Variants in NOXA1 observed in about 807,000 individuals in gnomAD.
NOXA1 encodes the protein NADPH oxidase activator 1.
NOXA1 carries 56 observed loss-of-function variants against 64.8 expected under a neutral mutation model. That is an observed-to-expected ratio of 0.86 (90% CI 0.70 to 1.08). The LOEUF (loss-of-function observed/expected upper bound fraction) is 1.08, where lower values mean the gene tolerates loss of function less well. Among genes scored for constraint, NOXA1 ranks in the 50% least tolerant of loss-of-function variants. The pLI, the probability that NOXA1 is intolerant of heterozygous loss-of-function variation, is 0.00. For missense variants in NOXA1, 668 were observed against 658.5 expected, an observed-to-expected ratio of 1.01 and a Z score of -0.16; for synonymous variants, 295 against 294.8, an observed-to-expected ratio of 1.00 and a Z score of -0.01.
At chr9:137,423,811 C>T in intron 1 of NOXA1, 105 bp downstream of exon 1, 2 of 994,902 alleles carry the variant, frequency 2.0e-6, no homozygotes, top group Non-Finnish European at 2.6e-6. Context: ...CCTGCCGCCC[C>T]CGACCCAGCG....
At chr9:137,429,770 G>GGGT (rs1475739438) in intron 5 of NOXA1, among the ~76,000 whole-genome samples, 1 of 136,488 alleles carries the variant, frequency 7.3e-6, no homozygotes, top group African/African-American at 2.8e-5. Flanking sequence ...GCGAGGTCCC[G>GGGT]GGGGGGTCCC....
In NOXA1 at chr9:137,428,118, C is replaced by A. The variant is rs146657444; in HGVS notation, c.346C>A (p.Arg116=). ...CATCGACTACACGCAGCTGGGCCTGCGGTTCAAGCTGCAAGCCTGGGAGGT... is the reference window on the plus strand; with the variant it reads ...CATCGACTACACGCAGCTGGGCCTGAGGTTCAAGCTGCAAGCCTGGGAGGT... ...AAIDYTQLGL[R]FKLQAWEVLH... is the part of the protein sequence containing the mutation. Residue 116 remains arginine, a synonymous_variant, in exon 3 of 14, where the codon CGG becomes AGG. Coordinates refer to ENST00000683555, the MANE Select transcript of NOXA1 (RefSeq NM_001256067.2). 1 of 1,573,940 alleles carries A rather than the reference C, an allele frequency of 6.4e-7. No homozygotes were observed. Among genetic ancestry groups the A allele is most frequent in the South Asian group, 1.2e-5 (1 of 85,940 alleles).
intron 3 of NOXA1, 120 bp from the exon 4 acceptor site, chr9:137,428,762 A>C: frequency 1.6e-6 from 1 of 616,170 alleles, no homozygotes; most frequent in Non-Finnish European, 2.2e-6. Flanking sequence ...GGGAGGGGCC[A>C]GGTGGGGGGA....
Position 137,433,827 on chromosome 9 carries a change from C to T in NOXA1, c.1142C>T (p.Ala381Val), listed in dbSNP as rs780618967. The change falls in exon 12 of 14, where the codon GCA becomes GTA. Residue 381 changes from alanine (A) to valine (V), a missense_variant. Physicochemically the swap from Ala to Val is moderately conservative, Grantham distance 64 (BLOSUM62 0). Transcript: ENST00000683555. ...EESLQRAWQDAAACPRGLQLQ... is the reference protein window; with the variant it reads ...EESLQRAWQDVAACPRGLQLQ... ...TCGCTGCAGAGGGCCTGGCAGGACG[C>T]AGCTGCCTGCCCCAGGGGGCTGCAG... is the stretch of plus-strand genomic sequence containing the variant. 4.8e-6 allele frequency: 7 copies of T among 1,451,660 alleles called. No homozygotes were observed. Among genetic ancestry groups the T allele is most frequent in the Non-Finnish European group, 6.4e-6 (7 of 1,099,600 alleles). 89.9% of individuals were successfully genotyped at this position (1,451,660 alleles called of 1,614,324 possible).
At chr9:137,427,759 G>T (rs1003372174) in intron 2 of NOXA1, among the ~76,000 whole-genome samples, 1 of 152,236 alleles carries the variant, frequency 6.6e-6, no homozygotes, top group African/African-American at 2.4e-5. Context: ...CAGAAGAGAG[G>T]CTTGGGGGCG....
At position 137,428,934 on chromosome 9, in the gene NOXA1, C is replaced by T. The variant is rs374075113; in HGVS notation, c.422C>T (p.Ala141Val). 1.9e-5 allele frequency: 30 copies of T among 1,595,968 alleles called. No individual in the cohort carries two copies. Among genetic ancestry groups the T allele is most frequent in the Middle Eastern group, 1.7e-4 (1 of 6,004 alleles). ...AQCQLGLWTE[A>V]ASSLREAMSK... ...TGCCAGCTGGGGCTCTGGACAGAGG[C>T]GGCCAGCAGCCTAAGGGAGGCCATG... Residue 141 changes from alanine (A) to valine (V), a missense_variant, in exon 4 of 14, where the codon GCG (alanine) becomes GTG (valine). Ala to Val is a moderately conservative substitution (Grantham distance 64). Transcript: ENST00000683555.
intron 3 of NOXA1, among the ~76,000 whole-genome samples, chr9:137,428,625 C>A (rs1357877142): frequency 6.7e-6 from 1 of 149,764 alleles, no homozygotes; most frequent in African/African-American, 2.5e-5. Context: ...AGGTGGGGGC[C>A]CGCCAGCCCA....
At chr9:137,432,963 G>C in intron 8 of NOXA1, 66 bp from the exon 9 acceptor site, 2 of 1,568,998 alleles carry the variant, frequency 1.3e-6, no homozygotes, top group Non-Finnish European at 1.7e-6. Context: ...TGTGGGCTCT[G>C]CGAGGACAGT....
chr9:137,423,467 T>G lies in NOXA1; in HGVS notation c.-63T>G. Reference sequence around the variant, plus strand: ...GACCCCGCAGCCCCGCGCCGCCGCCTGGCCCCGGCCCCGGCCCCTCCGCGG... The same window carrying G: ...GACCCCGCAGCCCCGCGCCGCCGCCGGGCCCCGGCCCCGGCCCCTCCGCGG... On this transcript the variant is annotated 5_prime_UTR_variant, in exon 1 of 14. Transcript: ENST00000683555. 9.0e-7 allele frequency: 1 copy of G among 1,116,916 alleles called. No homozygotes were observed. Among genetic ancestry groups the G allele is most frequent in the Non-Finnish European group, 1.1e-6 (1 of 893,592 alleles). 69.2% of individuals were successfully genotyped at this position (1,116,916 alleles called of 1,614,324 possible).
intron 10 of NOXA1, 92 bp downstream of exon 10, chr9:137,433,355 C>T (rs1839203392): frequency 6.7e-7 from 1 of 1,491,766 alleles, no homozygotes. Flanking sequence ...AAGCCCCCCT[C>T]ACCTGCCCAG....
At position 137,423,411 on chromosome 9, in the gene NOXA1, G is replaced by A. The variant is rs924900251; in HGVS notation, c.-119G>A. The stretch of plus-strand genomic sequence containing the variant: ...GCGGGGCAGCGGGGTTGCACCTGGC[G>A]CTTGGCGCCCGCACCTCTGCCCGCC... On this transcript the variant is annotated 5_prime_UTR_variant, in exon 1 of 14. Transcript: ENST00000683555. The A allele has an allele frequency of 5.4e-6, 3 of 558,982 alleles. No homozygotes were observed. The highest frequency in any genetic ancestry group is 5.0e-6 in the Non-Finnish European group (2 of 402,172). The allele number at this position is 558,982 out of a possible 1,614,324, so 34.6% of individuals were successfully genotyped here.
rs1423726747 is a variant in NOXA1, at chr9:137,428,764, G to T, written c.370-118G>T. 7 of 1,023,120 alleles carry T rather than the reference G, an allele frequency of 6.8e-6. No individual in the cohort carries two copies. In the African/African-American group the frequency reaches 8.7e-5, roughly 13 times the overall value. The allele number at this position is 1,023,120 out of a possible 1,614,324, so 63.4% of individuals were successfully genotyped here. On this transcript the variant is annotated intron_variant, in intron 3 of 13. Transcript: ENST00000683555. ...GGTGGGGGGATGGGGGAGGGGCCAG[G>T]TGGGGGGACTGGGGGAGGGGCTGGG...
At position 137,426,233 on chromosome 9, in the gene NOXA1, C is replaced by T. The variant is rs1229736039; in HGVS notation, c.178-15C>T. 6.2e-7 allele frequency: 1 copy of T among 1,612,530 alleles called. No individual in the cohort carries two copies. Among genetic ancestry groups the T allele is most frequent in the East Asian group, 2.2e-5 (1 of 44,882 alleles). ...GTTACAGACCTTGGCATCCCGTGGG[C>T]ATTTTTGTCCCCAGGCATTTGACCA... On this transcript the variant is annotated splice_polypyrimidine_tract_variant and intron_variant, in intron 1 of 13. Coordinates refer to ENST00000683555, the MANE Select transcript of NOXA1 (RefSeq NM_001256067.2).
At chr9:137,433,322 C>T (rs1176670097) in intron 10 of NOXA1, 59 bp downstream of exon 10, 1 of 1,503,682 alleles carries the variant, frequency 6.7e-7, no homozygotes, top group Admixed American at 2.3e-5. Context: ...GGCCAAGCCC[C>T]ATCCCTCAGA....
rs753456132 is a variant in NOXA1, at chr9:137,428,864, C to T, written c.370-18C>T. On this transcript the variant is annotated intron_variant, in intron 3 of 13. Transcript: ENST00000683555. ...GTGGGGCATCAGGCCCCTGCCATCA[C>T]CTTGGCCCCACTCCCAGGTGCTACA... The T allele has an allele frequency of 3.2e-6, 5 of 1,562,276 alleles. No individual in the cohort carries two copies. The highest frequency in any genetic ancestry group is 2.0e-4 in the Middle Eastern group (1 of 4,892).
rs566532329 is a variant in NOXA1 at position 137,426,503 on chromosome 9, C to T, written c.260+173C>T. On this transcript the variant is annotated intron_variant, in intron 2 of 13. Coordinates refer to ENST00000683555, the MANE Select transcript of NOXA1 (RefSeq NM_001256067.2). ...GACTGTGGCCCTCGCCTCTGCTGAG[C>T]GCCACCCTTGGACACAGGTCGTGGG... is the stretch of plus-strand genomic sequence containing the variant. Among the ~76,000 whole-genome samples the T allele has an allele frequency of 4.6e-5, 7 of 152,286 alleles. No homozygotes were observed. In the East Asian group the frequency reaches 5.8e-4, roughly 13 times the overall value.
chr9:137,431,192 G>T lies in NOXA1; in HGVS notation c.699-44G>T. Reference sequence around the variant, plus strand: ...GGCCACGCGGGCCGGGCACAGGAGGGCAGTCAGATGGGCAGGGCCTGAGAG... The same window carrying T: ...GGCCACGCGGGCCGGGCACAGGAGGTCAGTCAGATGGGCAGGGCCTGAGAG... On this transcript the variant is annotated intron_variant, in intron 7 of 13. Coordinates refer to ENST00000683555, the MANE Select transcript of NOXA1 (RefSeq NM_001256067.2). This position sits in a 1 kb window ranked among gnomAD's most constrained non-coding sequence, Gnocchi z 5.6. 1 of 1,609,266 alleles carries T rather than the reference G, an allele frequency of 6.2e-7. No homozygotes were observed. Among genetic ancestry groups the T allele is most frequent in the Non-Finnish European group, 8.5e-7 (1 of 1,177,142 alleles).
Position 137,423,450 on chromosome 9 carries a change from A to T in NOXA1, c.-80A>T. 1.0e-6 allele frequency: 1 copy of T among 964,604 alleles called. No homozygotes were observed. Among genetic ancestry groups the T allele is most frequent in the Non-Finnish European group, 1.3e-6 (1 of 758,870 alleles). 59.8% of individuals were successfully genotyped at this position (964,604 alleles called of 1,614,324 possible). A position where few individuals can be genotyped will look rare whatever the true frequency, so the allele number is the denominator to read the frequency against. On this transcript the variant is annotated 5_prime_UTR_variant, in exon 1 of 14. Coordinates refer to ENST00000683555, the MANE Select transcript of NOXA1 (RefSeq NM_001256067.2). The stretch of plus-strand genomic sequence containing the variant: ...CCTCTGCCCGCCTCGGAGACCCCGC[A>T]GCCCCGCGCCGCCGCCTGGCCCCGG...
chr9:137,426,233 C>A lies in NOXA1; in HGVS notation c.178-15C>A. 6.2e-7 allele frequency: 1 copy of A among 1,612,648 alleles called. No homozygotes were observed. ...GTTACAGACCTTGGCATCCCGTGGG[C>A]ATTTTTGTCCCCAGGCATTTGACCA... On this transcript the variant is annotated splice_polypyrimidine_tract_variant and intron_variant, in intron 1 of 13. Coordinates refer to ENST00000683555, the MANE Select transcript of NOXA1 (RefSeq NM_001256067.2).
Sources: gnomAD v4.1 joint callset for allele counts (sites outside exome capture counted in the v4.1 genomes callset) on GRCh38, gnomAD v4.1.1 for gene constraint, Gnocchi (gnomAD v3.1) non-coding constraint, MANE v1.5 for transcripts, NCBI Gene and HGNC (gene_info 2026-07-23, HGNC 2026-07-21) for gene names.